The following CELF2 variants were observed in gnomAD, a reference collection of about 807,000 sequenced individuals.
The protein encoded by CELF2 is CUGBP Elav-like family member 2.
In CELF2, 8 loss-of-function variants were observed where a neutral mutation model predicts 62.6. The observed-to-expected ratio is 0.13, with a 90% CI of 0.07 to 0.23. The LOEUF is 0.23. Ranked by LOEUF, CELF2 falls within the 10% of genes least tolerant of loss-of-function variation. The probability of loss-of-function intolerance (pLI) is 1.00; values close to 1 mark genes in which losing one functional copy is unlikely to be tolerated. For missense variants in CELF2, 333 were observed against 671.0 expected (o/e 0.50, Z 5.56); for synonymous variants, 258 against 250.0 (o/e 1.03, Z -0.30).
chr10:11,323,424 A>AAATAATAATAATAATAAT (rs57666869), intron 11 of CELF2, among the ~76,000 whole-genome samples: 18 of 141,644 alleles, frequency 1.3e-4, no homozygotes, highest in Middle Eastern at 3.6e-3. Flanking sequence ...GGCAGAGCAA[A>AAATAATAATAATAATAAT]AATAATAATA....
chr10:11,198,568 A>C (rs2058514959), intron 2 of CELF2, among the ~76,000 whole-genome samples: 1 of 152,230 alleles, frequency 6.6e-6, no homozygotes, highest in Non-Finnish European at 1.5e-5. Context: ...TGATGCTTAC[A>C]GTTTTCTTTT....
In CELF2 at chr10:10,995,720, G is replaced by C. The variant is rs894874492; in HGVS notation, c.89+75721G>C. On this transcript the variant is annotated intron_variant, in intron 2 of 13. Transcript: ENST00000636488. This position sits in a 1 kb window ranked among gnomAD's most constrained non-coding sequence, Gnocchi z 4.7. Reference sequence around the variant, plus strand: ...TAACTCTGGCTGAAATGTGTAGCATGGATCAGAGCCAGAGAGACTAGGGAC... The same window carrying C: ...TAACTCTGGCTGAAATGTGTAGCATCGATCAGAGCCAGAGAGACTAGGGAC... Among the ~76,000 whole-genome samples the C allele has an allele frequency of 3.3e-5, 5 of 152,132 alleles. No individual in the cohort carries two copies. The highest frequency in any genetic ancestry group is 1.3e-4 in the Admixed American group (2 of 15,276).
At chr10:11,298,922 G>T (rs1007957575) in intron 9 of CELF2, among the ~76,000 whole-genome samples, 11 of 152,140 alleles carry the variant, frequency 7.2e-5, no homozygotes, top group African/African-American at 2.4e-4. Context: ...CTAGAATAAG[G>T]TCCAATGATA....
chr10:10,739,363 T>G, the CELF2 span, among the ~76,000 whole-genome samples: 6 of 152,212 alleles, frequency 3.9e-5, no homozygotes, highest in East Asian at 1.2e-3. Context: ...TGTTTAAATA[T>G]ACAAGTGCTA....
At chr10:10,715,335 C>T in the CELF2 span, among the ~76,000 whole-genome samples, 1 of 152,090 alleles carries the variant, frequency 6.6e-6, no homozygotes, top group Non-Finnish European at 1.5e-5. Flanking sequence ...ATCTTCCTAC[C>T]CTTAAGTTAG....
rs542905135 is a variant in CELF2, at chr10:11,214,662, G to A, written c.272-2763G>A. 2.6e-5 allele frequency among the ~76,000 whole-genome samples: 4 copies of A among 152,314 alleles called. No homozygotes were observed. The highest frequency in any genetic ancestry group is 4.4e-5 in the Non-Finnish European group (3 of 68,022). On this transcript the variant is annotated intron_variant, in intron 2 of 12. Transcript: ENST00000633077. This position sits in a 1 kb window ranked among gnomAD's most constrained non-coding sequence, Gnocchi z 4.2. ...CAGCTCTTGGGTCGGACAGATGAAC[G>A]GTAAGGCACATTAGCAGTGTTACCT...
rs193221089 is a variant in CELF2 at position 11,269,834 on chromosome 10, A to C, written c.619-832A>C. 2.8e-3 allele frequency among the ~76,000 whole-genome samples: 420 copies of C among 152,236 alleles called. 3 individuals are homozygous for C. The highest frequency in any genetic ancestry group is 5.1e-3 in the Non-Finnish European group (344 of 68,020). On this transcript the variant is annotated intron_variant, in intron 6 of 12. Transcript: ENST00000633077. The surrounding 1 kb of genome is among the most constrained non-coding windows in gnomAD (Gnocchi z 4.4). ...GACCTTTAGCCATTTCTTTCTCACT[A>C]CCCCTACTCCTTGCCTTTTAAAGGA...
At chr10:10,544,523 A>G in the CELF2 span, among the ~76,000 whole-genome samples, 2 of 152,224 alleles carry the variant, frequency 1.3e-5, no homozygotes, top group South Asian at 2.1e-4. Context: ...ATATTTGTCT[A>G]TAGCCATATA....
chr10:10,881,616 A>G (rs2061440715), intron 1 of CELF2, among the ~76,000 whole-genome samples: 1 of 152,202 alleles, frequency 6.6e-6, no homozygotes, highest in Non-Finnish European at 1.5e-5. Flanking sequence ...TGAGTCAGCT[A>G]AATTCCCGAT....
intron 1 of CELF2, among the ~76,000 whole-genome samples, chr10:11,115,396 G>C (rs1039331244): frequency 6.6e-6 from 1 of 152,146 alleles, no homozygotes; most frequent in Non-Finnish European, 1.5e-5. Context: ...GAAGAACAGG[G>C]GTCATTAGGA....
the CELF2 span, among the ~76,000 whole-genome samples, chr10:10,696,580 T>C: frequency 6.9e-4 from 105 of 152,082 alleles, no homozygotes; most frequent in African/African-American, 2.4e-3. Context: ...GCCTGGGCAA[T>C]GGCGGGCGCC....
At chr10:10,986,897 A>C (rs1168786737) in intron 2 of CELF2, among the ~76,000 whole-genome samples, 1 of 152,246 alleles carries the variant, frequency 6.6e-6, no homozygotes, top group East Asian at 1.9e-4. Context: ...GAAGGCCCCC[A>C]GCCCTGAGGA....
At chr10:10,883,201 A>C (rs1400623960) in intron 1 of CELF2, among the ~76,000 whole-genome samples, 1 of 152,230 alleles carries the variant, frequency 6.6e-6, no homozygotes, top group African/African-American at 2.4e-5. Context: ...AGAGCTTAGC[A>C]AATTAACACT....
intron 1 of CELF2, among the ~76,000 whole-genome samples, chr10:10,862,471 C>A (rs1341545574): frequency 6.6e-6 from 1 of 152,156 alleles, no homozygotes; most frequent in African/African-American, 2.4e-5. Flanking sequence ...CCAATAGGAC[C>A]ACTTCAAGCT....
At chr10:11,059,122 C>G (rs763616430) in intron 1 of CELF2, among the ~76,000 whole-genome samples, 1 of 152,184 alleles carries the variant, frequency 6.6e-6, no homozygotes, top group Admixed American at 6.5e-5. Context: ...ACATGGTTAA[C>G]AAACTGCTAC....
intron 8 of CELF2, among the ~76,000 whole-genome samples, chr10:11,283,462 T>C (rs1245506796): frequency 6.6e-6 from 1 of 151,948 alleles, no homozygotes; most frequent in Non-Finnish European, 1.5e-5. Flanking sequence ...GGATGATGGG[T>C]AGATAGATGG....
the CELF2 span, among the ~76,000 whole-genome samples, chr10:10,537,753 T>C: frequency 3.3e-5 from 5 of 152,092 alleles, no homozygotes; most frequent in African/African-American, 1.2e-4. Context: ...ACCCAGCTCA[T>C]GTATCCTAGC....
chr10:11,084,838 G>A (rs1353523840), intron 1 of CELF2, among the ~76,000 whole-genome samples: 1 of 152,162 alleles, frequency 6.6e-6, no homozygotes, highest in Non-Finnish European at 1.5e-5. Context: ...CCGCAACAAA[G>A]AGGTCATTAT....
At chr10:11,105,196 T>C (rs1275606833) in intron 1 of CELF2, among the ~76,000 whole-genome samples, 2 of 152,262 alleles carry the variant, frequency 1.3e-5, no homozygotes, top group Non-Finnish European at 2.9e-5. Flanking sequence ...CGTGCTTTTT[T>C]ACCACCTGCA....
Sources: gnomAD v4.1 joint callset for allele counts (sites outside exome capture counted in the v4.1 genomes callset) on GRCh38, gnomAD v4.1.1 for gene constraint, Gnocchi (gnomAD v3.1) non-coding constraint, MANE v1.5 for transcripts, NCBI Gene and HGNC (gene_info 2026-07-23, HGNC 2026-07-21) for gene names.